The following KCND2 variants were observed in gnomAD, a reference collection of about 807,000 sequenced individuals.
KCND2 encodes the protein A-type voltage-gated potassium channel KCND2.
In KCND2, 16 loss-of-function variants were observed where a neutral mutation model predicts 54.4. That is an observed-to-expected ratio of 0.29 (90% confidence interval 0.20 to 0.45). The LOEUF is 0.45. Ranked by LOEUF, KCND2 falls within the 20% of genes least tolerant of loss-of-function variation. The pLI, the probability that KCND2 is intolerant of heterozygous loss-of-function variation, is 1.00. For missense variants in KCND2, 486 were observed against 824.2 expected (o/e 0.59, Z 5.02); for synonymous variants, 317 against 310.7 (o/e 1.02, Z -0.21).
chr7:120,480,500 A>G (rs1321913875), intron 1 of KCND2, among the ~76,000 whole-genome samples: 9 of 152,222 alleles, frequency 5.9e-5, no homozygotes, highest in Admixed American at 6.5e-5. Flanking sequence ...ACTATATGTA[A>G]TGAGTTCTGC....
intron 1 of KCND2, among the ~76,000 whole-genome samples, chr7:120,676,543 ATATT>A (rs1243861507): frequency 6.6e-5 from 10 of 152,144 alleles, no homozygotes; most frequent in Non-Finnish European, 5.9e-5. Context: ...GCTCAAAACT[ATATT>A]TATTCATTTT....
At chr7:120,598,316 A>C (rs1219108881) in intron 1 of KCND2, among the ~76,000 whole-genome samples, 1 of 152,122 alleles carries the variant, frequency 6.6e-6, no homozygotes. Flanking sequence ...TTACTGCTCA[A>C]TGTTTAATGC....
At chr7:120,339,057 T>A (rs1010477725) in intron 1 of KCND2, among the ~76,000 whole-genome samples, 106 of 151,574 alleles carry the variant, frequency 7.0e-4, no homozygotes, top group East Asian at 2.9e-3. Flanking sequence ...ATTATTATTT[T>A]TTTTTTTTTT....
At chr7:120,470,315 G>T (rs546750062) in intron 1 of KCND2, among the ~76,000 whole-genome samples, 75 of 152,164 alleles carry the variant, frequency 4.9e-4, no homozygotes, top group African/African-American at 1.5e-3. Flanking sequence ...ACCAATGAAT[G>T]TTTGACAACT....
rs577717519 is a variant in KCND2 at position 120,650,932 on chromosome 7, T to C, written c.1116-81971T>C. ...GCAGCAGAGGCTGCAGAACAGCAAA[T>C]ATTGCTGAACAGCAAACGTTGCCAC... is the stretch of plus-strand genomic sequence containing the variant. On this transcript the variant is annotated intron_variant, in intron 1 of 5. Transcript: ENST00000331113. Among the ~76,000 whole-genome samples, 17 of 143,370 alleles carry C rather than the reference T, an allele frequency of 1.2e-4. 1 individual carries two copies. The South Asian group carries it at 3.7e-3, about 31-fold the overall frequency. The allele number at this position is 143,370 out of a possible 152,430, so 94.1% of individuals were successfully genotyped here.
chr7:120,515,286 G>T (rs1272442763), intron 1 of KCND2, among the ~76,000 whole-genome samples: 1 of 151,936 alleles, frequency 6.6e-6, no homozygotes, highest in African/African-American at 2.4e-5. Flanking sequence ...CATATATTTT[G>T]TGAAGCCCTC....
intron 1 of KCND2, among the ~76,000 whole-genome samples, chr7:120,352,699 A>G (rs1030319314): frequency 6.6e-6 from 1 of 152,158 alleles, no homozygotes; most frequent in Non-Finnish European, 1.5e-5. Context: ...TTTAGCTTAC[A>G]TGTGTTAAAA....
intron 1 of KCND2, among the ~76,000 whole-genome samples, chr7:120,544,793 C>T (rs1792023510): frequency 6.6e-6 from 1 of 151,880 alleles, no homozygotes; most frequent in Admixed American, 6.6e-5. Flanking sequence ...TCTTCAGTGA[C>T]TGAAAAAGCT....
intron 1 of KCND2, among the ~76,000 whole-genome samples, chr7:120,302,680 T>A (rs1194491813): frequency 1.3e-5 from 2 of 152,222 alleles, no homozygotes; most frequent in African/African-American, 4.8e-5. Context: ...ACAACTTATT[T>A]ATTTCATTTG....
intron 1 of KCND2, among the ~76,000 whole-genome samples, chr7:120,406,392 A>G (rs575051947): frequency 3.1e-4 from 47 of 152,102 alleles, no homozygotes; most frequent in Non-Finnish European, 3.2e-4. Flanking sequence ...ATTTTAGCAA[A>G]TCTCTTCTGC....
At chr7:120,297,548 T>C (rs1010513726) in intron 1 of KCND2, among the ~76,000 whole-genome samples, 5 of 152,144 alleles carry the variant, frequency 3.3e-5, no homozygotes, top group African/African-American at 1.2e-4. Flanking sequence ...TACAATGACC[T>C]ATTTTTCCTC....
At chr7:120,313,884 T>C (rs1370032875) in intron 1 of KCND2, among the ~76,000 whole-genome samples, 1 of 151,804 alleles carries the variant, frequency 6.6e-6, no homozygotes, top group Non-Finnish European at 1.5e-5. Flanking sequence ...TAATAAGTAA[T>C]CCTGGGAATT....
intron 1 of KCND2, among the ~76,000 whole-genome samples, chr7:120,503,504 G>C (rs962943757): frequency 3.3e-5 from 5 of 151,802 alleles, no homozygotes; most frequent in African/African-American, 1.2e-4. Context: ...TTAAACATAA[G>C]TGTTCCAAAC....
intron 1 of KCND2, among the ~76,000 whole-genome samples, chr7:120,477,641 G>GA (rs11350375): frequency 1.2e-4 from 18 of 151,500 alleles, no homozygotes; most frequent in African/African-American, 4.1e-4. Context: ...TTAATTGGAT[G>GA]AAAAAAAAGA....
At chr7:120,336,352 A>G (rs911755735) in intron 1 of KCND2, among the ~76,000 whole-genome samples, 1 of 151,704 alleles carries the variant, frequency 6.6e-6, no homozygotes, top group Non-Finnish European at 1.5e-5. Flanking sequence ...TTCTCTTTTT[A>G]TTTTTCTTTT....
intron 1 of KCND2, among the ~76,000 whole-genome samples, chr7:120,440,935 T>C (rs940682025): frequency 2.4e-4 from 37 of 152,212 alleles, no homozygotes; most frequent in African/African-American, 8.9e-4. Flanking sequence ...TCTATAGTAA[T>C]TCTTCAGTTG....
At chr7:120,680,365 A>G (rs1250547588) in intron 1 of KCND2, among the ~76,000 whole-genome samples, 1 of 152,074 alleles carries the variant, frequency 6.6e-6, no homozygotes, top group African/African-American at 2.4e-5. Context: ...AGTTATTCCT[A>G]CATGCACATG....
intron 1 of KCND2, among the ~76,000 whole-genome samples, chr7:120,419,730 G>A (rs1474827275): frequency 1.3e-5 from 2 of 152,098 alleles, no homozygotes; most frequent in Non-Finnish European, 2.9e-5. Context: ...GTAACCCAGT[G>A]TATCCTCTCC....
chr7:120,482,349 A>G (rs1457385085), intron 1 of KCND2, among the ~76,000 whole-genome samples: 2 of 152,154 alleles, frequency 1.3e-5, no homozygotes, highest in African/African-American at 2.4e-5. Context: ...TCTTACTTAG[A>G]TGACACTGTA....
Sources: allele counts gnomAD v4.1 joint callset (sites outside exome capture counted in the v4.1 genomes callset), GRCh38; gene constraint gnomAD v4.1.1; transcripts MANE v1.5; gene names NCBI Gene and HGNC (gene_info 2026-07-23, HGNC 2026-07-21).